Variants in LIPA observed in about 807,000 individuals in gnomAD.
LIPA encodes the protein lipase A, lysosomal acid type, also known as lysosomal acid lipase/cholesteryl ester hydrolase.
LIPA carries 26 observed loss-of-function variants against 40.6 expected under a neutral mutation model. That is an observed-to-expected ratio of 0.64 (90% confidence interval 0.47 to 0.89). LIPA has a LOEUF of 0.89. LIPA is among the 40% of genes least tolerant of loss of function. The pLI is 0.00. For missense variants in LIPA, 455 were observed against 479.6 expected (o/e 0.95, Z 0.48); for synonymous variants, 188 against 168.4 (o/e 1.12, Z -0.90).
Position 89,310,078 on chromosome 10 carries a change from T to C in LIPA, c.-2+32533A>G, listed in dbSNP as rs533281474. Among the ~76,000 whole-genome samples the C allele has an allele frequency of 2.6e-4, 40 of 152,350 alleles. No individual in the cohort carries two copies. In the South Asian group the frequency reaches 2.7e-3, roughly 10 times the overall value. On this transcript the variant is annotated intron_variant, in intron 1 of 5. Coordinates refer to the LIPA transcript ENST00000282673. ...TACATTTCACATTCTCTGTATTTGA[T>C]TGCCACCTTGAGAGTACTAATATCT...
chr10:89,310,411 G>C (rs1843509123), intron 1 of LIPA, among the ~76,000 whole-genome samples: 2 of 152,124 alleles, frequency 1.3e-5, no homozygotes, highest in South Asian at 2.1e-4. Context: ...ACACAGATAG[G>C]CCTTGTGTTA....
At chr10:89,302,573 C>A (rs1011536712) in intron 1 of LIPA, among the ~76,000 whole-genome samples, 32 of 152,168 alleles carry the variant, frequency 2.1e-4, no homozygotes, top group Non-Finnish European at 2.9e-5. Flanking sequence ...TAAAGATATA[C>A]ACAGAATAGC....
chr10:89,336,533 G>A lies in LIPA; in HGVS notation c.-2+6078C>T, dbSNP rs150536131. Among the ~76,000 whole-genome samples, 1,440 of 152,276 alleles carry A rather than the reference G, an allele frequency of 9.5e-3. 15 individuals carry two copies. Among genetic ancestry groups the A allele is most frequent in the Non-Finnish European group, 0.015 (1,026 of 68,020 alleles). On this transcript the variant is annotated intron_variant, in intron 1 of 5. Transcript: ENST00000282673. Reference sequence around the variant, plus strand: ...AATAGATCAGTACACTTGCAGTAGCGGTGTGAGGGCCAGTGCTCGTCCATG... The same window carrying A: ...AATAGATCAGTACACTTGCAGTAGCAGTGTGAGGGCCAGTGCTCGTCCATG...
At chr10:89,384,260 A>C in intron 2 of LIPA, 1 of 1,614,236 alleles carries the variant, frequency 6.2e-7, no homozygotes, top group Non-Finnish European at 8.5e-7. Context: ...CAAGATAGGG[A>C]AACTGTGGAC....
intron 1 of LIPA, among the ~76,000 whole-genome samples, chr10:89,324,844 C>T (rs1342274404): frequency 6.6e-6 from 1 of 152,158 alleles, no homozygotes; most frequent in South Asian, 2.1e-4. Context: ...CATGTCCCTG[C>T]AAAGGACACA....
intron 2 of LIPA, among the ~76,000 whole-genome samples, chr10:89,401,179 C>T (rs1354085699): frequency 2.0e-5 from 3 of 151,040 alleles, no homozygotes; most frequent in Admixed American, 6.6e-5. Flanking sequence ...TGCAGTGGCG[C>T]GATCTCAGCT....
intron 2 of LIPA, among the ~76,000 whole-genome samples, chr10:89,389,509 C>T (rs1844230576): frequency 6.6e-6 from 1 of 152,098 alleles, no homozygotes. Flanking sequence ...ATTAGGTAAC[C>T]AGATCACTAG....
At chr10:89,338,192 C>T (rs1219769128) in intron 1 of LIPA, 2 of 157,226 alleles carry the variant, frequency 1.3e-5, no homozygotes, top group South Asian at 1.9e-4. Context: ...GGAATTGGCT[C>T]ACCTGATTAT....
intron 2 of LIPA, chr10:89,383,301 T>A (rs750481252): frequency 1.3e-6 from 2 of 1,586,694 alleles, no homozygotes; most frequent in Non-Finnish European, 1.7e-6. Flanking sequence ...TGTAATTAAT[T>A]GCTGCCTATT....
chr10:89,409,888 G>A (rs1023306161), intron 2 of LIPA, among the ~76,000 whole-genome samples: 2 of 152,236 alleles, frequency 1.3e-5, no homozygotes, highest in Admixed American at 6.5e-5. Flanking sequence ...AAACGAATAT[G>A]AGGAATAAGT....
At chr10:89,378,002 A>G (rs1413001479) in intron 2 of LIPA, 4 of 855,976 alleles carry the variant, frequency 4.7e-6, no homozygotes, top group Admixed American at 4.6e-5. Flanking sequence ...GGGTGTAAAA[A>G]ACTGCCTGGA....
intron 1 of LIPA, among the ~76,000 whole-genome samples, chr10:89,293,929 T>C (rs985013268): frequency 2.0e-5 from 3 of 152,164 alleles, no homozygotes; most frequent in Non-Finnish European, 4.4e-5. Flanking sequence ...TCCAAAGCAG[T>C]TGTTTATTGC....
intron 3 of LIPA, among the ~76,000 whole-genome samples, chr10:89,232,762 T>C (rs1243585056): frequency 6.6e-6 from 1 of 152,202 alleles, no homozygotes; most frequent in East Asian, 1.9e-4. Context: ...CTAAAGTCTC[T>C]GTACTTCCCT....
upstream of LIPA, among the ~76,000 whole-genome samples, chr10:89,254,284 G>A (rs1436212171): frequency 6.6e-6 from 1 of 152,206 alleles, no homozygotes; most frequent in Admixed American, 6.5e-5. Flanking sequence ...TGAAATACAG[G>A]TGGAGGTTCC....
At chr10:89,393,185 G>A (rs1342501192) in intron 2 of LIPA, 1 of 1,290,082 alleles carries the variant, frequency 7.8e-7, no homozygotes, top group African/African-American at 1.5e-5. Flanking sequence ...TGTCTTGTGG[G>A]TAATACAGTG....
In LIPA at chr10:89,369,346, A is replaced by G. The variant is rs556129764; in HGVS notation, c.61+43445T>C. 5.3e-5 allele frequency among the ~76,000 whole-genome samples: 8 copies of G among 152,272 alleles called. No homozygotes were observed. In the South Asian group the frequency reaches 1.5e-3, roughly 28 times the overall value. On this transcript the variant is annotated intron_variant, in intron 2 of 8. Transcript: ENST00000371837. ...CCACAGGCCACGTCTTCCCTCTGCA[A>G]GCTTCTAGATTCAGTTGCCAGGATG...
At chr10:89,347,618 A>G (rs1431297913), upstream of LIPA, among the ~76,000 whole-genome samples, 1 of 152,186 alleles carries the variant, frequency 6.6e-6, no homozygotes, top group African/African-American at 2.4e-5. Flanking sequence ...CTCTGTCAGT[A>G]TTGATCTCAG....
At chr10:89,264,273 G>A (rs898167586) in intron 1 of LIPA, among the ~76,000 whole-genome samples, 1 of 152,330 alleles carries the variant, frequency 6.6e-6, no homozygotes, top group Non-Finnish European at 1.5e-5. Flanking sequence ...ATATGCAGAC[G>A]ACTGGAGGGT....
chr10:89,410,877 C>G (rs1841463120), intron 2 of LIPA, among the ~76,000 whole-genome samples: 1 of 152,054 alleles, frequency 6.6e-6, no homozygotes, highest in African/African-American at 2.4e-5. Context: ...GGCAGGGAAA[C>G]ACCAGCAGAA....
Sources: gnomAD v4.1 joint callset for allele counts (sites outside exome capture counted in the v4.1 genomes callset) on GRCh38, gnomAD v4.1.1 for gene constraint, MANE v1.5 for transcripts, NCBI Gene and HGNC (gene_info 2026-07-23, HGNC 2026-07-21) for gene names.